Variants in CMYA5 observed in about 807,000 individuals in gnomAD.
CMYA5 encodes the protein cardiomyopathy associated 5, also known as cardiomyopathy-associated protein 5.
In CMYA5, 246 loss-of-function variants were observed where a neutral mutation model predicts 318.9. The ratio of observed to expected loss-of-function variants is 0.77; its 90% confidence interval spans 0.70 to 0.86. The LOEUF (loss-of-function observed/expected upper bound fraction) is 0.86, where lower values mean the gene tolerates loss of function less well. CMYA5 is among the 40% of genes least tolerant of loss of function. CMYA5 has a pLI of 0.00. For missense variants in CMYA5, 4,589 were observed against 4,678.2 expected (o/e 0.98, Z 0.56); for synonymous variants, 1,641 against 1,729.5 (o/e 0.95, Z 1.27).
At chr5:79,754,163 ATTGGAGCCCAGGGTGTTGAC>A (rs1209985411) in intron 6 of CMYA5, among the ~76,000 whole-genome samples, 2 of 152,204 alleles carry the variant, frequency 1.3e-5, no homozygotes, top group African/African-American at 2.4e-5. Context: ...GTTTCACAAA[ATTGGAGCCCAGGGTGTTGAC>A]TTGCTGCTAA....
At chr5:79,762,029 G>A in intron 8 of CMYA5, 72 bp downstream of exon 8, 1 of 1,483,574 alleles carries the variant, frequency 6.7e-7, no homozygotes, top group Admixed American at 2.1e-5. Context: ...AGATCAGCCA[G>A]TAAGTGTTTA....
In CMYA5 at chr5:79,761,762, T is replaced by C. The variant is rs112136643; in HGVS notation, c.11261-49T>C. The C allele has an allele frequency of 4.0e-3, 6,299 of 1,557,340 alleles. 238 individuals are homozygous for C. The African/African-American group carries it at 0.076, about 19-fold the overall frequency. ...TGACTTTCTCCAGTAACTATAACTT[T>C]TAATTAACTTTGGAAGATGTCTTCG... On this transcript the variant is annotated intron_variant, in intron 7 of 12. Coordinates refer to ENST00000446378, the MANE Select transcript of CMYA5 (RefSeq NM_153610.5).
At position 79,791,075 on chromosome 5, in the gene CMYA5, TAGA is replaced by T. The variant is rs780987964; in HGVS notation, c.11789+14_11789+16del. On this transcript the variant is annotated splice_region_variant and intron_variant, in intron 11 of 12. Coordinates refer to ENST00000446378, the MANE Select transcript of CMYA5 (RefSeq NM_153610.5). ...GAGAGGAGACGGCTGACGGAGTAAG[TAGA>T]AGAAGAAAGCACAAGTGGGCTGATG... 13 of 1,606,598 alleles carry T rather than the reference TAGA, an allele frequency of 8.1e-6. No homozygotes were observed. Among genetic ancestry groups the T allele is most frequent in the South Asian group, 4.4e-5 (4 of 90,494 alleles).
intron 1 of CMYA5, among the ~76,000 whole-genome samples, chr5:79,713,807 C>T (rs1055302507): frequency 1.3e-5 from 2 of 152,126 alleles, no homozygotes; most frequent in South Asian, 2.1e-4. Context: ...ATGCATGCGG[C>T]CCACATGTAG....
At chr5:79,720,767 T>C (rs1827609861) in intron 1 of CMYA5, among the ~76,000 whole-genome samples, 1 of 152,102 alleles carries the variant, frequency 6.6e-6, no homozygotes, top group African/African-American at 2.4e-5. Flanking sequence ...GAAAAAATAT[T>C]CTTCAAGAAT....
chr5:79,734,194 C>T lies in CMYA5; in HGVS notation c.5429C>T (p.Ser1810Leu), dbSNP rs538751337. 6.8e-6 allele frequency: 11 copies of T among 1,613,854 alleles called. No homozygotes were observed. The highest frequency in any genetic ancestry group is 9.3e-6 in the Non-Finnish European group (11 of 1,179,818). Residue 1810 changes from serine (S) to leucine (L), a missense_variant, in exon 2 of 13, where the codon TCA becomes TTA. Around this residue, in one of 3 missense-constraint regions of CMYA5, gnomAD observed 2,132 missense variants for 2,131.3 expected, o/e 1.00. Coordinates refer to ENST00000446378, the MANE Select transcript of CMYA5 (RefSeq NM_153610.5). The part of the protein sequence containing the change: ...SQVLQSITEP[S>L]KIAPSDLLVE... ...GTACTCCAGAGTATAACAGAACCAT[C>T]AAAGATTGCTCCTTCTGACCTCCTT...
chr5:79,713,550 C>T (rs1169272834), intron 1 of CMYA5, among the ~76,000 whole-genome samples: 1 of 151,972 alleles, frequency 6.6e-6, no homozygotes, highest in African/African-American at 2.4e-5. Context: ...TTATGCTTTT[C>T]GCTGGCAGAC....
intron 9 of CMYA5, among the ~76,000 whole-genome samples, chr5:79,776,860 C>A (rs868267994): frequency 6.6e-6 from 1 of 152,194 alleles, no homozygotes; most frequent in Non-Finnish European, 1.5e-5. Context: ...CTAGGAATCA[C>A]GGCACTGGAT....
chr5:79,695,829 G>A (rs1827056904), intron 1 of CMYA5, among the ~76,000 whole-genome samples: 1 of 152,236 alleles, frequency 6.6e-6, no homozygotes, highest in Admixed American at 6.5e-5. Context: ...CCTGTAGAGT[G>A]ACACTGCAGT....
chr5:79,759,936 C>A (rs1425585185), intron 7 of CMYA5, among the ~76,000 whole-genome samples: 1 of 152,156 alleles, frequency 6.6e-6, no homozygotes, highest in Non-Finnish European at 1.5e-5. Flanking sequence ...ACAGCACAAC[C>A]AAGTAAGTGT....
At chr5:79,778,813 G>GTGTGTGTGTGTGTGTGTGTATGTGTA (rs1561228862) in intron 9 of CMYA5, among the ~76,000 whole-genome samples, 23 of 99,964 alleles carry the variant, frequency 2.3e-4, no homozygotes, top group African/African-American at 1.2e-3. Flanking sequence ...CTCTCTTTCT[G>GTGTGTGTGTGTGTGTGTGTATGTGTA]TGTGTGTGTG....
chr5:79,716,695 AAAC>A lies in CMYA5; in HGVS notation c.150-12213_150-12211del, dbSNP rs766566467. Among the ~76,000 whole-genome samples, 8 of 152,348 alleles carry A rather than the reference AAAC, an allele frequency of 5.3e-5. 1 individual carries two copies. The highest frequency in any genetic ancestry group is 3.9e-4 in the East Asian group (2 of 5,192). On this transcript the variant is annotated intron_variant, in intron 1 of 12. Transcript: ENST00000446378. ...ATAGATGACACAGGAAAATGTTGAC[AAAC>A]AACAACTAAAACTAAGCTGGGAGAA...
At chr5:79,770,038 T>A (rs1394295209) in intron 9 of CMYA5, among the ~76,000 whole-genome samples, 1 of 151,998 alleles carries the variant, frequency 6.6e-6, no homozygotes, top group Non-Finnish European at 1.5e-5. Flanking sequence ...CGGGCTAGAG[T>A]GGCTTTGCTG....
At chr5:79,760,467 A>G (rs1441401830) in intron 7 of CMYA5, among the ~76,000 whole-genome samples, 1 of 152,228 alleles carries the variant, frequency 6.6e-6, no homozygotes, top group African/African-American at 2.4e-5. Flanking sequence ...ACTGGCTCAC[A>G]GTTCCACAAG....
At chr5:79,696,467 C>T (rs1009011389) in intron 1 of CMYA5, among the ~76,000 whole-genome samples, 1 of 152,204 alleles carries the variant, frequency 6.6e-6, no homozygotes, top group African/African-American at 2.4e-5. Flanking sequence ...AAACTAAATA[C>T]TCAGAGCCCT....
intron 1 of CMYA5, among the ~76,000 whole-genome samples, chr5:79,720,587 C>T (rs1311890481): frequency 1.3e-5 from 2 of 151,982 alleles, no homozygotes; most frequent in Non-Finnish European, 2.9e-5. Context: ...CAGGCATGCA[C>T]CACCATGCCC....
chr5:79,737,226 G>C lies in CMYA5; in HGVS notation c.8461G>C (p.Ala2821Pro). Residue 2821 changes from alanine (A) to proline (P), a missense_variant, in exon 2 of 13, where the codon GCT becomes CCT. Ala to Pro is a conservative substitution (Grantham distance 27). Transcript: ENST00000446378. ...LLSPVKPQTLASGASPEINAV... is the reference protein window; with the variant it reads ...LLSPVKPQTLPSGASPEINAV... ...GTCACCTGTAAAACCACAAACTCTT[G>C]CTTCAGGAGCTTCTCCAGAAATTAA... 3.1e-6 allele frequency: 5 copies of C among 1,613,646 alleles called. No homozygotes were observed. The highest frequency in any genetic ancestry group is 4.2e-6 in the Non-Finnish European group (5 of 1,179,780).
At chr5:79,725,777 A>AC (rs989183411) in intron 1 of CMYA5, among the ~76,000 whole-genome samples, 2 of 152,144 alleles carry the variant, frequency 1.3e-5, no homozygotes, top group Non-Finnish European at 2.9e-5. Flanking sequence ...TATGACACGC[A>AC]CCTGTAATCC....
intron 7 of CMYA5, among the ~76,000 whole-genome samples, chr5:79,760,316 T>C (rs943846455): frequency 2.6e-5 from 4 of 152,184 alleles, no homozygotes; most frequent in Non-Finnish European, 5.9e-5. Flanking sequence ...TGTGATACCA[T>C]GTCATGTTTA....
Sources: gnomAD v4.1 joint callset for allele counts (sites outside exome capture counted in the v4.1 genomes callset) on GRCh38, gnomAD v4.1.1 for gene constraint, gnomAD v4.1.1 regional missense constraint, MANE v1.5 for transcripts, NCBI Gene and HGNC (gene_info 2026-07-23, HGNC 2026-07-21) for gene names.